CALCOCO2: variants seen among roughly 807,000 people sequenced by gnomAD.
CALCOCO2 encodes calcium binding and coiled-coil domain 2, also known as calcium-binding and coiled-coil domain-containing protein 2.
A neutral mutation model predicts 62.5 loss-of-function variants in CALCOCO2; 42 were observed. The ratio of observed to expected loss-of-function variants is 0.67; its 90% CI spans 0.53 to 0.87. The LOEUF (loss-of-function observed/expected upper bound fraction) is 0.87, where lower values mean the gene tolerates loss of function less well. CALCOCO2 is among the 40% of genes least tolerant of loss of function. The pLI is 0.00. For missense variants in CALCOCO2, 456 were observed against 515.0 expected (o/e 0.89, Z 1.11); for synonymous variants, 167 against 173.0 (o/e 0.97, Z 0.27).
rs59318856 is a variant in CALCOCO2, at chr17:48,857,497, C to CTTTTTTTTTTTTT, written c.1008+1321_1008+1333dup. On this transcript the variant is annotated intron_variant, in intron 10 of 12. Transcript: ENST00000258947. ...CAGGCGTGAGCCACTGCACCCGGCC[C>CTTTTTTTTTTTTT]TTTTTTTTTTTTTTTTTTTTTTTGA... 6.0e-3 allele frequency among the ~76,000 whole-genome samples: 231 copies of CTTTTTTTTTTTTT among 38,434 alleles called. 52 individuals are homozygous for CTTTTTTTTTTTTT. Among genetic ancestry groups the CTTTTTTTTTTTTT allele is most frequent in the African/African-American group, 8.4e-3 (101 of 12,076 alleles). 25.2% of individuals were successfully genotyped at this position (38,434 alleles called of 152,430 possible).
intron 1 of CALCOCO2, among the ~76,000 whole-genome samples, chr17:48,840,834 A>C (rs893988068): frequency 3.9e-5 from 6 of 152,188 alleles, no homozygotes; most frequent in African/African-American, 1.4e-4. Context: ...CAGGAAAAAA[A>C]AACCCACAAC....
At position 48,864,737 on chromosome 17, in the gene CALCOCO2, T is replaced by G. The variant is rs922264230; in HGVS notation, c.*1732T>G. 1 of 152,362 alleles carries G rather than the reference T, an allele frequency of 6.6e-6. No homozygotes were observed. Among genetic ancestry groups the G allele is most frequent in the African/African-American group, 2.4e-5 (1 of 41,454 alleles). 9.4% of individuals were successfully genotyped at this position (152,362 alleles called of 1,614,324 possible). A position where few individuals can be genotyped will look rare whatever the true frequency, so the allele number is the denominator to read the frequency against. The stretch of plus-strand genomic sequence containing the variant: ...CAGCTCCTTGCTTTGATTTCATCCT[T>G]GATAAAATGAAGATGAAACTTACAC... On this transcript the variant is annotated 3_prime_UTR_variant, in exon 13 of 13. Transcript: ENST00000258947.
rs35356632 is a variant in CALCOCO2 at position 48,864,066 on chromosome 17, C to CT, written c.*1080dup. ...TCCAAGGCCCTGGCTTGCTTTCTTT[C>CT]TTTTTTTTTTTTTTTTTTTGAAACA... On this transcript the variant is annotated 3_prime_UTR_variant, in exon 13 of 13. Transcript: ENST00000258947. 0.79 allele frequency: 100,187 copies of CT among 126,454 alleles called. 41,947 individuals carry two copies. The highest frequency in any genetic ancestry group is 0.93 in the East Asian group (4,089 of 4,418). 7.8% of individuals were successfully genotyped at this position (126,454 alleles called of 1,614,324 possible).
chr17:48,848,526 A>G, intron 4 of CALCOCO2, 71 bp downstream of exon 4: 1 of 1,389,952 alleles, frequency 7.2e-7, no homozygotes, highest in Non-Finnish European at 1.0e-6. Context: ...ATGGAATTTG[A>G]GTTAATAAGG....
chr17:48,834,053 G>C (rs1237963281), intron 1 of CALCOCO2, among the ~76,000 whole-genome samples: 1 of 148,044 alleles, frequency 6.8e-6, no homozygotes, highest in Admixed American at 6.9e-5. Context: ...GGATGTCAAG[G>C]CTGCAGTGAG....
At chr17:48,848,912 A>C in intron 4 of CALCOCO2, 1 of 474,168 alleles carries the variant, frequency 2.1e-6, no homozygotes, top group Non-Finnish European at 4.1e-6. Context: ...CTGGGAACAC[A>C]ATGAAGAATC....
intron 10 of CALCOCO2, among the ~76,000 whole-genome samples, chr17:48,858,825 C>T (rs868166947): frequency 2.1e-4 from 32 of 151,662 alleles, no homozygotes; most frequent in African/African-American, 3.4e-4. Context: ...GAGGCCGAGG[C>T]GGGTGGATCA....
At chr17:48,856,689 A>G (rs1361477044) in intron 10 of CALCOCO2, 1 of 448,686 alleles carries the variant, frequency 2.2e-6, no homozygotes, top group Non-Finnish European at 4.5e-6. Context: ...TCATTCATCC[A>G]ACCAACATTT....
Position 48,862,296 on chromosome 17 carries a change from C to G in CALCOCO2, c.1165C>G (p.Pro389Ala), listed in dbSNP as rs10278. Residue 389 changes from proline to alanine, a missense_variant, in exon 12 of 13, where the codon CCC (proline) becomes GCC (alanine). By Grantham distance (27) the Pro-to-Ala change is conservative (BLOSUM62 -1). This residue lies in a region of CALCOCO2 where 172 missense variants were observed against 210.3 expected (regional missense o/e 0.82). Transcript: ENST00000258947. ...PYSGIQESSS[P>A]SPLSIKKCPI... ...TTCAGGTATCCAAGAAAGTTCTTCC[C>G]CCAGCCCGGTAAGTATTTGATTCAT... 472,264 of 1,573,920 alleles carry G rather than the reference C, an allele frequency of 0.3. 73,641 individuals carry two copies. The highest frequency in any genetic ancestry group is 0.44 in the Admixed American group (26,164 of 59,562).
chr17:48,857,591 CT>C (rs1371087847), intron 10 of CALCOCO2, among the ~76,000 whole-genome samples: 3 of 148,498 alleles, frequency 2.0e-5, no homozygotes, highest in African/African-American at 7.4e-5. Flanking sequence ...CAACCTCCAC[CT>C]CCTGATCTTT....
At chr17:48,859,425 C>G (rs976349234) in intron 10 of CALCOCO2, among the ~76,000 whole-genome samples, 6 of 151,972 alleles carry the variant, frequency 3.9e-5, no homozygotes, top group South Asian at 2.1e-4. Context: ...AAAGCAAGAG[C>G]CTTTCATCTC....
intron 2 of CALCOCO2, 136 bp from the exon 3 acceptor site, chr17:48,847,928 T>TACAG: frequency 1.7e-6 from 1 of 602,012 alleles, no homozygotes; most frequent in Non-Finnish European, 2.9e-6. Context: ...GTGCTAGGAT[T>TACAG]ACAGGCATGA....
At chr17:48,851,473 G>A in intron 6 of CALCOCO2, 86 bp from the exon 7 acceptor site, 3 of 824,456 alleles carry the variant, frequency 3.6e-6, no homozygotes, top group Non-Finnish European at 4.3e-6. Flanking sequence ...CAGGCTTAGG[G>A]CCAAGCCAGC....
In CALCOCO2 at chr17:48,841,872, G is replaced by A. The variant is rs1201789129; in HGVS notation, c.165G>A (p.Trp55Ter). ...ATTTCATCCCTCGTCGAAAGGATTGGATTGGCATCTTTAGAGTAAGTGGTT... is the reference window on the plus strand; with the variant it reads ...ATTTCATCCCTCGTCGAAAGGATTGAATTGGCATCTTTAGAGTAAGTGGTT... ...TQHFIPRRKD[W>*]IGIFRVGWKT... The change falls in exon 2 of 13, where the codon TGG becomes TGA. Residue 55 changes from tryptophan to a stop codon, truncating the protein, a stop_gained. Transcript: ENST00000258947. LOFTEE classifies it high-confidence loss of function. 1 of 1,611,410 alleles carries A rather than the reference G, an allele frequency of 6.2e-7. No individual in the cohort carries two copies. Among genetic ancestry groups the A allele is most frequent in the African/African-American group, 1.3e-5 (1 of 74,860 alleles).
chr17:48,835,907 G>A (rs977363186), intron 1 of CALCOCO2, among the ~76,000 whole-genome samples: 5 of 151,790 alleles, frequency 3.3e-5, no homozygotes, highest in Admixed American at 1.3e-4. Context: ...CTACCACCAC[G>A]CCCGGCTAAT....
chr17:48,852,506 G>A lies in CALCOCO2; in HGVS notation c.703G>A (p.Ala235Thr). The A allele has an allele frequency of 6.2e-7, 1 of 1,611,990 alleles. No homozygotes were observed. The highest frequency in any genetic ancestry group is 1.1e-5 in the South Asian group (1 of 90,836). ...KMGIRVDQLQ[A>T]QLSTQEKEME... ...GTTATGTTCACTATTTTTGTTTTAG[G>A]CCCAGCTGTCAACTCAAGAGAAAGA... Residue 235 changes from alanine to threonine, a missense_variant and splice_region_variant, in exon 8 of 13, where the codon GCC (alanine) becomes ACC (threonine). Ala to Thr is a moderately conservative substitution (Grantham distance 58). Transcript: ENST00000258947.
rs1237463285 is a variant in CALCOCO2, at chr17:48,852,498, T to C, written c.703-8T>C. ...ATATCTTGGTTATGTTCACTATTTT[T>C]GTTTTAGGCCCAGCTGTCAACTCAA... On this transcript the variant is annotated splice_region_variant and splice_polypyrimidine_tract_variant and intron_variant, in intron 7 of 12. Transcript: ENST00000258947. The C allele has an allele frequency of 6.2e-7, 1 of 1,610,470 alleles. No individual in the cohort carries two copies. The highest frequency in any genetic ancestry group is 2.2e-5 in the East Asian group (1 of 44,844).
At position 48,852,522 on chromosome 17, in the gene CALCOCO2, A is replaced by C. The variant is rs762129219; in HGVS notation, c.719A>C (p.Gln240Pro). ...TTGTTTTAGGCCCAGCTGTCAACTC[A>C]AGAGAAAGAAATGGAGAAGCTTGTT... The part of the protein sequence containing the change: ...VDQLQAQLST[Q>P]EKEMEKLVQG... The change falls in exon 8 of 13, where the codon CAA becomes CCA. Residue 240 changes from glutamine (Q) to proline (P), a missense_variant. Gln to Pro is a moderately conservative substitution (Grantham distance 76, BLOSUM62 -1). This residue lies in a region of CALCOCO2 where 236 missense variants were observed against 225.3 expected (regional missense o/e 1.05). Transcript: ENST00000258947. 4.3e-6 allele frequency: 7 copies of C among 1,613,592 alleles called. No individual in the cohort carries two copies. Among genetic ancestry groups the C allele is most frequent in the Non-Finnish European group, 3.4e-6 (4 of 1,179,670 alleles).
intron 10 of CALCOCO2, among the ~76,000 whole-genome samples, chr17:48,858,046 A>ATAGAATAGAGAATAG: frequency 5.0e-5 from 2 of 40,038 alleles, no homozygotes; most frequent in Admixed American, 3.2e-4. Context: ...ATAGAATAGA[A>ATAGAATAGAGAATAG]AATAGAATAG....
Sources: allele counts gnomAD v4.1 joint callset (sites outside exome capture counted in the v4.1 genomes callset), GRCh38; gene constraint gnomAD v4.1.1; regional missense constraint gnomAD v4.1.1; transcripts MANE v1.5; gene names NCBI Gene and HGNC (gene_info 2026-07-23, HGNC 2026-07-21).